Variants in ALOX5AP observed in about 807,000 individuals in gnomAD.
ALOX5AP encodes the protein arachidonate 5-lipoxygenase-activating protein.
In ALOX5AP, 9 loss-of-function variants were observed where a neutral mutation model predicts 18.5. The ratio of observed to expected loss-of-function variants is 0.49; its 90% CI spans 0.29 to 0.85. The LOEUF is 0.85. Among genes scored for constraint, ALOX5AP ranks in the 40% least tolerant of loss-of-function variants. ALOX5AP has a pLI of 0.08. For missense variants in ALOX5AP, 172 were observed against 202.5 expected, an observed-to-expected ratio of 0.85 and a Z score of 0.91; for synonymous variants, 81 against 78.6, an observed-to-expected ratio of 1.03 and a Z score of -0.16.
At chr13:30,753,513 C>G (rs1951868727) in intron 3 of ALOX5AP, among the ~76,000 whole-genome samples, 1 of 152,170 alleles carries the variant, frequency 6.6e-6, no homozygotes, top group African/African-American at 2.4e-5. Flanking sequence ...CAAGCTTTGT[C>G]ATTGCCAGCA....
At chr13:30,713,958 A>G in intron 1 of ALOX5AP, 1 of 1,168,382 alleles carries the variant, frequency 8.6e-7, no homozygotes, top group Non-Finnish European at 1.2e-6. Context: ...AGGCTCCCAG[A>G]AGCAGTATTG....
At chr13:30,735,793 T>C (rs1951716472) in intron 1 of ALOX5AP, 118 bp downstream of exon 1, 1 of 1,160,050 alleles carries the variant, frequency 8.6e-7, no homozygotes, top group African/African-American at 1.6e-5. Context: ...ACTTTTACCT[T>C]ATCTTTATTT....
intron 4 of ALOX5AP, among the ~76,000 whole-genome samples, chr13:30,758,036 A>G (rs1399743660): frequency 6.6e-6 from 1 of 152,082 alleles, no homozygotes; most frequent in African/African-American, 2.4e-5. Flanking sequence ...ATTACTGATG[A>G]ATCATGGTGC....
intron 1 of ALOX5AP, among the ~76,000 whole-genome samples, chr13:30,720,100 T>A (rs1346819799): frequency 1.3e-5 from 2 of 152,206 alleles, no homozygotes; most frequent in Non-Finnish European, 2.9e-5. Flanking sequence ...GACCTCATGA[T>A]CCGCCCACCT....
At chr13:30,726,936 A>G (rs975563304) in intron 1 of ALOX5AP, among the ~76,000 whole-genome samples, 2 of 152,210 alleles carry the variant, frequency 1.3e-5, no homozygotes, top group African/African-American at 4.8e-5. Context: ...AGATATCAAA[A>G]AGGGAATGCG....
Position 30,737,944 on chromosome 13 carries a change from C to T in ALOX5AP, c.70+2269C>T, listed in dbSNP as rs564023365. Among the ~76,000 whole-genome samples the T allele has an allele frequency of 2.0e-5, 3 of 152,338 alleles. No homozygotes were observed. The East Asian group carries it at 5.8e-4, about 29-fold the overall frequency. On this transcript the variant is annotated intron_variant, in intron 1 of 4. Coordinates refer to ENST00000380490, the MANE Select transcript of ALOX5AP (RefSeq NM_001629.4). ...AAGATCCAGATGTATGTCCAAGCCTCTCTTTGCAATTCTAATTAACCTCAA... is the reference window on the plus strand; with the variant it reads ...AAGATCCAGATGTATGTCCAAGCCTTTCTTTGCAATTCTAATTAACCTCAA...
At chr13:30,713,643 C>T in exon 1 of ALOX5AP, 2 of 985,124 alleles carry the variant, frequency 2.0e-6, no homozygotes, top group Non-Finnish European at 3.1e-6. Flanking sequence ...GAGGAGGACC[C>T]TGTCACATCT....
chr13:30,730,410 G>A (rs533533529), intron 1 of ALOX5AP, among the ~76,000 whole-genome samples: 7 of 152,268 alleles, frequency 4.6e-5, no homozygotes, highest in South Asian at 4.1e-4. Flanking sequence ...GTCTCTGTTC[G>A]TATCACTTAC....
At chr13:30,754,586 C>T (rs1191575297) in intron 3 of ALOX5AP, among the ~76,000 whole-genome samples, 1 of 152,228 alleles carries the variant, frequency 6.6e-6, no homozygotes, top group Non-Finnish European at 1.5e-5. Context: ...AATAGCATTT[C>T]ATATGATTCC....
upstream of ALOX5AP, among the ~76,000 whole-genome samples, chr13:30,732,858 G>A (rs1951692198): frequency 2.0e-5 from 3 of 152,004 alleles, no homozygotes; most frequent in South Asian, 6.2e-4. Flanking sequence ...GGACAGAAGA[G>A]AGAGAAAAAA....
intron 1 of ALOX5AP, among the ~76,000 whole-genome samples, chr13:30,729,570 A>T (rs865784380): frequency 5.2e-5 from 7 of 133,716 alleles, no homozygotes; most frequent in Middle Eastern, 7.4e-3. Context: ...TCCATGTCTA[A>T]CCTGTATTTT....
intron 4 of ALOX5AP, among the ~76,000 whole-genome samples, chr13:30,760,725 A>G (rs980604140): frequency 9.2e-5 from 14 of 152,276 alleles, no homozygotes; most frequent in Admixed American, 8.5e-4. Context: ...GTTTGCCTAG[A>G]TGGAAAATAG....
At chr13:30,756,845 C>G (rs920397106) in intron 4 of ALOX5AP, among the ~76,000 whole-genome samples, 2 of 136,574 alleles carry the variant, frequency 1.5e-5, no homozygotes, top group African/African-American at 5.3e-5. Context: ...AAAAAAGATG[C>G]AGACACGAGA....
At chr13:30,753,506 G>A (rs1216056518) in intron 3 of ALOX5AP, among the ~76,000 whole-genome samples, 1 of 152,186 alleles carries the variant, frequency 6.6e-6, no homozygotes, top group Admixed American at 6.5e-5. Flanking sequence ...GTCAAAACAA[G>A]CTTTGTCATT....
chr13:30,729,947 G>A (rs372677130), intron 1 of ALOX5AP, among the ~76,000 whole-genome samples: 77 of 152,260 alleles, frequency 5.1e-4, no homozygotes, highest in African/African-American at 1.6e-3. Flanking sequence ...CTTCATTTAC[G>A]TACAAATGCA....
At chr13:30,741,564 A>G (rs1162622448) in intron 1 of ALOX5AP, among the ~76,000 whole-genome samples, 1 of 59,204 alleles carries the variant, frequency 1.7e-5, no homozygotes, top group Non-Finnish European at 3.5e-5. Context: ...CCACCCCCCA[A>G]CAACTGGCTA....
chr13:30,758,349 A>G (rs1445444516), intron 4 of ALOX5AP, among the ~76,000 whole-genome samples: 6 of 152,166 alleles, frequency 3.9e-5, no homozygotes, highest in Non-Finnish European at 5.9e-5. Context: ...GACTCTGCAG[A>G]CACCTAATGC....
upstream of ALOX5AP, among the ~76,000 whole-genome samples, chr13:30,732,903 C>G (rs1422683735): frequency 6.6e-6 from 1 of 152,074 alleles, no homozygotes; most frequent in African/African-American, 2.4e-5. Flanking sequence ...CGCCTGTAAT[C>G]TCAGCACTTT....
upstream of ALOX5AP, among the ~76,000 whole-genome samples, chr13:30,734,250 G>T (rs896072129): frequency 4.6e-5 from 7 of 152,062 alleles, no homozygotes; most frequent in African/African-American, 1.7e-4. Context: ...TGGCTTCCCC[G>T]CACACAACTC....
Sources: gnomAD v4.1 joint callset for allele counts (sites outside exome capture counted in the v4.1 genomes callset) on GRCh38, gnomAD v4.1.1 for gene constraint, MANE v1.5 for transcripts, NCBI Gene and HGNC (gene_info 2026-07-23, HGNC 2026-07-21) for gene names.